The following ZFP64 variants were observed in gnomAD, a reference collection of about 807,000 sequenced individuals.
The protein encoded by ZFP64 is zinc finger protein 64.
Under a neutral mutation model 51.6 loss-of-function variants are expected in ZFP64, and 14 were observed. The ratio of observed to expected loss-of-function variants is 0.27; its 90% CI spans 0.18 to 0.42. The LOEUF (loss-of-function observed/expected upper bound fraction) is 0.42. Among genes scored for constraint, ZFP64 ranks in the 10% least tolerant of loss-of-function variants. ZFP64 has a pLI of 1.00. For synonymous variants in ZFP64, 375 were observed against 361.4 expected (o/e 1.04, Z -0.43); for missense variants, 754 against 906.8 (o/e 0.83, Z 2.16).
At position 52,152,968 on chromosome 20, in the gene ZFP64, G is replaced by T; in HGVS notation, c.1224C>A (p.Thr408=). 6.2e-7 allele frequency: 1 copy of T among 1,613,748 alleles called. No homozygotes were observed. The highest frequency in any genetic ancestry group is 8.5e-7 in the Non-Finnish European group (1 of 1,180,040). Residue 408 remains threonine, a synonymous_variant, in exon 6 of 6, where the codon ACC becomes ACA. Coordinates refer to ENST00000216923, the MANE Select transcript of ZFP64 (RefSeq NM_018197.3). The part of the protein sequence containing the change: ...VKTEALERKD[T]GRQSSRQVAK... Reference sequence around the variant, plus strand: ...CCACCTGCCGGCTGCTCTGCCTGCCGGTGTCCTTCCTCTCTAGAGCCTCAG... The same window carrying T: ...CCACCTGCCGGCTGCTCTGCCTGCCTGTGTCCTTCCTCTCTAGAGCCTCAG...
downstream of ZFP64, among the ~76,000 whole-genome samples, chr20:52,147,391 T>C (rs919762494): frequency 2.0e-5 from 3 of 152,122 alleles, no homozygotes; most frequent in Admixed American, 6.5e-5. Context: ...GTATATTACA[T>C]TGGAAAATTC....
At chr20:52,091,414 T>C (rs1319196526) in intron 7 of ZFP64, among the ~76,000 whole-genome samples, 3 of 151,970 alleles carry the variant, frequency 2.0e-5, no homozygotes, top group African/African-American at 7.2e-5. Flanking sequence ...TAAATCAAAG[T>C]GATAGGAACA....
At chr20:52,181,724 G>A (rs995116678) in intron 2 of ZFP64, among the ~76,000 whole-genome samples, 11 of 152,122 alleles carry the variant, frequency 7.2e-5, no homozygotes, top group Admixed American at 7.2e-4. Context: ...TAAAAATACA[G>A]ATACCTGAGC....
At chr20:52,158,249 G>A (rs142296912) in intron 5 of ZFP64, among the ~76,000 whole-genome samples, 143 of 152,222 alleles carry the variant, frequency 9.4e-4, no homozygotes, top group Middle Eastern at 3.4e-3. Context: ...TATTTCAACC[G>A]TCTCTAGATG....
intron 5 of ZFP64, among the ~76,000 whole-genome samples, chr20:52,104,144 G>A (rs117810643): frequency 0.011 from 1,647 of 152,300 alleles, 11 homozygotes; most frequent in Admixed American, 0.022. Context: ...AGAGAAAGTA[G>A]GAACCTACAA....
At chr20:52,145,239 T>C (rs779478742) in intron 5 of ZFP64, among the ~76,000 whole-genome samples, 2 of 152,206 alleles carry the variant, frequency 1.3e-5, no homozygotes, top group Non-Finnish European at 2.9e-5. Context: ...TTCTGAGAAA[T>C]AGGGCGTAGC....
Position 52,191,493 on chromosome 20 carries a change from C to A in ZFP64, c.46+98G>T, listed in dbSNP as rs1208188630. ...CCGAGCCGTCACCCCGATTTCGGGG[C>A]CCCGGGCCTGCTGGCTGCGTCGCAG... On this transcript the variant is annotated intron_variant, in intron 1 of 5. Coordinates refer to ENST00000216923, the MANE Select transcript of ZFP64 (RefSeq NM_018197.3). This position sits in a 1 kb window ranked among gnomAD's most constrained non-coding sequence, Gnocchi z 4.3. 7.4e-7 allele frequency: 1 copy of A among 1,357,148 alleles called. No individual in the cohort carries two copies. The highest frequency in any genetic ancestry group is 3.1e-5 in the East Asian group (1 of 32,452). The allele number at this position is 1,357,148 out of a possible 1,614,324, so 84.1% of individuals were successfully genotyped here. A position where few individuals can be genotyped will look rare whatever the true frequency, so the allele number is the denominator to read the frequency against.
chr20:52,157,163 A>C (rs924121662), intron 5 of ZFP64, among the ~76,000 whole-genome samples: 1 of 152,202 alleles, frequency 6.6e-6, no homozygotes, highest in Non-Finnish European at 1.5e-5. Context: ...AATCTCCAAA[A>C]GAGAATTAAG....
chr20:52,153,509 C>T lies in ZFP64; in HGVS notation c.764-81G>A. The T allele has an allele frequency of 1.3e-6, 2 of 1,505,438 alleles. No homozygotes were observed. Among genetic ancestry groups the T allele is most frequent in the South Asian group, 1.3e-5 (1 of 75,534 alleles). 93.3% of individuals were successfully genotyped at this position (1,505,438 alleles called of 1,614,324 possible). Reference sequence around the variant, plus strand: ...CCCCCCGAAGCACACACCAGAAAATCGCTTATACAAGGTGGGTGGGTGCAG... The same window carrying T: ...CCCCCCGAAGCACACACCAGAAAATTGCTTATACAAGGTGGGTGGGTGCAG... On this transcript the variant is annotated intron_variant, in intron 5 of 5. Coordinates refer to ENST00000216923, the MANE Select transcript of ZFP64 (RefSeq NM_018197.3). This position sits in a 1 kb window ranked among gnomAD's most constrained non-coding sequence, Gnocchi z 5.1.
Position 52,152,584 on chromosome 20 carries a change from C to A in ZFP64, c.1608G>T (p.Gly536=). 1.3e-6 allele frequency: 2 copies of A among 1,553,028 alleles called. No individual in the cohort carries two copies. The highest frequency in any genetic ancestry group is 1.8e-5 in the Admixed American group (1 of 54,514). The change falls in exon 6 of 6, where the codon GGG becomes GGT. Residue 536 remains glycine (G), a synonymous_variant. Transcript: ENST00000216923. The part of the protein sequence containing the change: ...LVAQNPEELP[G]NSRLQILRQV... The stretch of plus-strand genomic sequence containing the variant: ...GGCGCAGGATCTGCAGCCGGCTGTT[C>A]CCTGGGAGTTCCTCTGGGTTCTGGG...
chr20:52,136,793 G>A (rs927576323), intron 5 of ZFP64, among the ~76,000 whole-genome samples: 1 of 152,022 alleles, frequency 6.6e-6, no homozygotes, highest in South Asian at 2.1e-4. Context: ...TTGAGATGGA[G>A]TCTCACTCTG....
chr20:52,105,444 G>C (rs1246069620), intron 5 of ZFP64: 4 of 1,110,492 alleles, frequency 3.6e-6, no homozygotes, highest in Non-Finnish European at 4.5e-6. Context: ...CTTGCGGTCC[G>C]CTCCCGGGCA....
At chr20:52,190,938 C>A (rs998450731) in intron 1 of ZFP64, among the ~76,000 whole-genome samples, 4 of 152,108 alleles carry the variant, frequency 2.6e-5, no homozygotes, top group Non-Finnish European at 5.9e-5. Flanking sequence ...TACACGCTCT[C>A]GCTCCCAGGT....
At chr20:52,088,425 T>A in exon 8 of ZFP64, 1 of 1,608,106 alleles carries the variant, frequency 6.2e-7, no homozygotes, top group Non-Finnish European at 8.5e-7. Flanking sequence ...GTGAGCTGGC[T>A]GGAGTTGCGG....
At chr20:52,164,974 A>G (rs904274600) in intron 3 of ZFP64, 1 of 672,106 alleles carries the variant, frequency 1.5e-6, no homozygotes, top group African/African-American at 1.8e-5. Flanking sequence ...GATCATAAGG[A>G]AACATCAAAT....
At chr20:52,101,772 C>T (rs930811469) in intron 5 of ZFP64, among the ~76,000 whole-genome samples, 92 of 151,838 alleles carry the variant, frequency 6.1e-4, no homozygotes, top group African/African-American at 2.1e-3. Context: ...TAAGTCCTTG[C>T]TACTCAAAGG....
rs114019425 is a variant in ZFP64 at position 52,152,538 on chromosome 20, G to T, written c.1654C>A (p.Pro552Thr). 1,434 of 1,588,460 alleles carry T rather than the reference G, an allele frequency of 9.0e-4. 11 individuals carry two copies. In the African/African-American group the frequency reaches 0.017, roughly 18 times the overall value. Residue 552 changes from proline (P) to threonine (T), a missense_variant, in exon 6 of 6, where the codon CCT (proline) becomes ACT (threonine). Physicochemically the swap from Pro to Thr is conservative, Grantham distance 38. This residue lies in a region of ZFP64 where 428 missense variants were observed against 472.4 expected (regional missense o/e 0.91). Coordinates refer to ENST00000216923, the MANE Select transcript of ZFP64 (RefSeq NM_018197.3). ...TCGCTCGGACACCGCGAGGACTGAG[G>T]GGGGGCGATCAGACTGACCTGGCGC... ...ILRQVSLIAP[P>T]QSSRCPSEAG...
intron 2 of ZFP64, among the ~76,000 whole-genome samples, chr20:52,172,785 T>A (rs1459759182): frequency 2.0e-5 from 3 of 152,060 alleles, no homozygotes; most frequent in Admixed American, 2.0e-4. Context: ...AGCCTCCTGT[T>A]TAGTGAGATC....
intron 5 of ZFP64, chr20:52,098,652 C>T: frequency 2.5e-6 from 4 of 1,601,524 alleles, no homozygotes; most frequent in Non-Finnish European, 2.6e-6. Flanking sequence ...TCTTAGAATA[C>T]AGTAGGTTTG....
Sources: allele counts gnomAD v4.1 joint callset (sites outside exome capture counted in the v4.1 genomes callset), GRCh38; gene constraint gnomAD v4.1.1; regional missense constraint gnomAD v4.1.1; non-coding constraint Gnocchi (gnomAD v3.1); transcripts MANE v1.5; gene names NCBI Gene and HGNC (gene_info 2026-07-23, HGNC 2026-07-21).